The following KAZN variants were observed in gnomAD, a reference collection of about 807,000 sequenced individuals.
KAZN encodes the protein kazrin.
Under a neutral mutation model 87.4 loss-of-function variants are expected in KAZN, and 40 were observed. The ratio of observed to expected loss-of-function variants is 0.46; its 90% confidence interval spans 0.36 to 0.60. KAZN has a LOEUF of 0.60. Ranked by LOEUF, KAZN falls within the 20% of genes least tolerant of loss-of-function variation. The pLI, the probability that KAZN is intolerant of heterozygous loss-of-function variation, is 0.00. For synonymous variants in KAZN, 466 were observed against 458.3 expected, an observed-to-expected ratio of 1.02 and a Z score of -0.22; for missense variants, 898 against 1,073.9, an observed-to-expected ratio of 0.84 and a Z score of 2.29.
At chr1:14,589,214 T>A (rs1462352500) in intron 2 of KAZN, among the ~76,000 whole-genome samples, 2 of 152,098 alleles carry the variant, frequency 1.3e-5, no homozygotes, top group African/African-American at 2.4e-5. Context: ...TAGCTGATAC[T>A]GCCATGAGCA....
At chr1:14,531,500 T>C (rs564937740) in intron 2 of KAZN, among the ~76,000 whole-genome samples, 1 of 152,184 alleles carries the variant, frequency 6.6e-6, no homozygotes, top group Admixed American at 6.5e-5. Context: ...GCATTTTAAC[T>C]GGGTCTTGGC....
intron 1 of KAZN, among the ~76,000 whole-genome samples, chr1:14,177,700 C>A (rs1183619963): frequency 6.6e-6 from 1 of 151,874 alleles, no homozygotes; most frequent in African/African-American, 2.4e-5. Flanking sequence ...CAGGATAAAA[C>A]TCTACATGAC....
intron 1 of KAZN, among the ~76,000 whole-genome samples, chr1:14,683,995 T>C (rs1198162079): frequency 6.6e-6 from 1 of 152,228 alleles, no homozygotes; most frequent in African/African-American, 2.4e-5. Flanking sequence ...ACAAGAGTTG[T>C]ACTCCAGTAC....
chr1:13,981,097 A>ATATATATATATATATATATATATATG (rs372269866), intron 1 of KAZN, among the ~76,000 whole-genome samples: 5 of 96,940 alleles, frequency 5.2e-5, no homozygotes, highest in East Asian at 2.2e-4. Flanking sequence ...CTTTATATAT[A>ATATATATATATATATATATATATATG]TATATATATA....
At chr1:14,188,499 G>A (rs1255518347) in intron 2 of KAZN, among the ~76,000 whole-genome samples, 1 of 152,070 alleles carries the variant, frequency 6.6e-6, no homozygotes, top group Non-Finnish European at 1.5e-5. Context: ...GCTAGATGCT[G>A]GGGACATAGA....
intron 2 of KAZN, among the ~76,000 whole-genome samples, chr1:14,351,234 C>A (rs12134023): frequency 0.16 from 23,858 of 152,176 alleles, 1,909 homozygotes; most frequent in Non-Finnish European, 0.17. Flanking sequence ...GGGGAAACTG[C>A]TTTTCTCGCT....
chr1:14,999,100 C>T (rs544730654), intron 2 of KAZN, among the ~76,000 whole-genome samples: 2 of 152,286 alleles, frequency 1.3e-5, no homozygotes, highest in South Asian at 2.1e-4. Flanking sequence ...GCAGGAGAAT[C>T]GCTTGAGCCC....
chr1:15,007,685 C>T (rs931709726), intron 2 of KAZN, among the ~76,000 whole-genome samples: 2 of 152,162 alleles, frequency 1.3e-5, no homozygotes, highest in South Asian at 4.1e-4. Context: ...GCTCACCTGC[C>T]CGCCTCCATA....
chr1:13,980,634 A>G (rs138737885), intron 1 of KAZN, among the ~76,000 whole-genome samples: 3 of 152,330 alleles, frequency 2.0e-5, no homozygotes, highest in Non-Finnish European at 4.4e-5. Context: ...AAAAGCAGGC[A>G]TAACTAAAAG....
intron 2 of KAZN, among the ~76,000 whole-genome samples, chr1:14,491,680 T>A (rs1669658593): frequency 6.6e-6 from 1 of 152,202 alleles, no homozygotes; most frequent in Non-Finnish European, 1.5e-5. Context: ...CTTTCCTTTT[T>A]AATAAGGAGT....
chr1:14,235,624 A>G (rs750283896), intron 2 of KAZN, among the ~76,000 whole-genome samples: 1 of 152,210 alleles, frequency 6.6e-6, no homozygotes, highest in East Asian at 1.9e-4. Context: ...TTATATCTCA[A>G]TAAAGCAGTT....
intron 2 of KAZN, among the ~76,000 whole-genome samples, chr1:14,522,750 G>A (rs1671653538): frequency 6.6e-6 from 1 of 152,196 alleles, no homozygotes; most frequent in Non-Finnish European, 1.5e-5. Context: ...AGAAAATATA[G>A]ATCTTTTGTG....
chr1:14,577,465 C>T (rs1317864820), intron 2 of KAZN, among the ~76,000 whole-genome samples: 1 of 152,168 alleles, frequency 6.6e-6, no homozygotes, highest in East Asian at 1.9e-4. Flanking sequence ...CAAAACTAAT[C>T]TCTTTGGCAC....
At position 14,617,906 on chromosome 1, in the gene KAZN, T is replaced by C. The variant is rs538562412; in HGVS notation, c.226+18683T>C. Among the ~76,000 whole-genome samples the C allele has an allele frequency of 4.9e-4, 74 of 152,324 alleles. 1 individual carries two copies. The highest frequency in any genetic ancestry group is 1.7e-3 in the African/African-American group (72 of 41,568). On this transcript the variant is annotated intron_variant, in intron 1 of 14. Coordinates refer to ENST00000376030, the MANE Select transcript of KAZN (RefSeq NM_201628.3). ...CCATTTGGCAGTGGCAGAAGGGACT[T>C]CCCAAGTGCCCACTGCTATCTGCGC...
chr1:14,390,378 G>A (rs1571495480), intron 2 of KAZN, among the ~76,000 whole-genome samples: 1 of 152,178 alleles, frequency 6.6e-6, no homozygotes, highest in East Asian at 1.9e-4. Context: ...CTTGGAAAGG[G>A]CGAAATCATG....
chr1:14,290,636 T>A (rs1653611068), intron 2 of KAZN, among the ~76,000 whole-genome samples: 1 of 152,214 alleles, frequency 6.6e-6, no homozygotes, highest in Non-Finnish European at 1.5e-5. Context: ...CTCCTTCAGC[T>A]TGGAGAAGTT....
chr1:14,104,308 TCCC>T (rs1371701754), intron 1 of KAZN, among the ~76,000 whole-genome samples: 1 of 152,084 alleles, frequency 6.6e-6, no homozygotes, highest in Non-Finnish European at 1.5e-5. Context: ...TGACTCAACA[TCCC>T]CCATGCAAGC....
chr1:14,528,266 AG>A (rs1287887368), intron 2 of KAZN, among the ~76,000 whole-genome samples: 1 of 123,526 alleles, frequency 8.1e-6, no homozygotes. Context: ...TGAATCTGAG[AG>A]GTGGAGGTTG....
At chr1:15,100,726 C>T (rs1641022356) in intron 10 of KAZN, among the ~76,000 whole-genome samples, 1 of 152,230 alleles carries the variant, frequency 6.6e-6, no homozygotes, top group East Asian at 1.9e-4. Flanking sequence ...ATCAGTCAAA[C>T]ATGGACTTTA....
Sources: gnomAD v4.1 joint callset for allele counts (sites outside exome capture counted in the v4.1 genomes callset) on GRCh38, gnomAD v4.1.1 for gene constraint, MANE v1.5 for transcripts, NCBI Gene and HGNC (gene_info 2026-07-23, HGNC 2026-07-21) for gene names.